Variants in GPR143 observed in about 807,000 individuals in gnomAD.
GPR143 encodes the protein G protein-coupled receptor 143, also known as G-protein coupled receptor 143.
A neutral mutation model predicts 27.6 loss-of-function variants in GPR143; 8 were observed. The observed-to-expected ratio is 0.29, with a 90% CI of 0.17 to 0.52. GPR143 has a LOEUF of 0.52. Ranked by LOEUF, GPR143 falls within the 20% of genes least tolerant of loss-of-function variation. The probability of loss-of-function intolerance (pLI) is 0.96; values close to 1 mark genes in which losing one functional copy is unlikely to be tolerated. For synonymous variants in GPR143, 156 were observed against 153.2 expected, an observed-to-expected ratio of 1.02 and a Z score of -0.13; for missense variants, 303 against 343.1, an observed-to-expected ratio of 0.88 and a Z score of 0.92.
intron 1 of GPR143, among the ~76,000 whole-genome samples, chrX:9,776,742 T>C (rs768610451): frequency 9.1e-6 from 1 of 110,006 alleles, no homozygotes; most frequent in Admixed American, 9.8e-5. Flanking sequence ...GGTCTCACTC[T>C]ATTACCCAGG....
rs1296083017 is a variant in GPR143, at chrX:9,739,485, C to G, written c.1120G>C (p.Gly374Arg). Residue 374 changes from glycine to arginine, a missense_variant and splice_region_variant, in exon 8 of 9, where the codon GGT (glycine) becomes CGT (arginine). Physicochemically the swap from Gly to Arg is moderately radical, Grantham distance 125 (BLOSUM62 -2). Transcript: ENST00000467482. ...CCTGCTGTGGCAGACAGGGCATTAC[C>G]TTCAGACAGCATGCTCAGGGCTTCG... ...SDEALSMLSEGSDASTIEIHT... is the reference protein window; with the variant it reads ...SDEALSMLSERSDASTIEIHT... 1 of 1,186,304 alleles carries G rather than the reference C, an allele frequency of 8.4e-7. No homozygotes were observed. Among genetic ancestry groups the G allele is most frequent in the Non-Finnish European group, 1.1e-6 (1 of 873,224 alleles).
At chrX:9,731,258 C>G (rs1432833443) in intron 8 of GPR143, among the ~76,000 whole-genome samples, 3 of 110,933 alleles carry the variant, frequency 2.7e-5, no homozygotes, top group Non-Finnish European at 5.7e-5. Context: ...GTAGCTGGAA[C>G]TTAGGGAGCC....
chrX:9,770,484 G>A (rs2083551151), upstream of GPR143, among the ~76,000 whole-genome samples: 1 of 110,737 alleles, frequency 9.0e-6, no homozygotes, highest in Non-Finnish European at 1.9e-5. Flanking sequence ...GGCTTATCTA[G>A]CAGCTGCTTG....
chrX:9,746,124 G>C lies in GPR143; in HGVS notation c.578C>G (p.Pro193Arg). Residue 193 changes from proline to arginine, a missense_variant, in exon 5 of 9, where the codon CCC becomes CGC. By Grantham distance (103) the Pro-to-Arg change is moderately radical (BLOSUM62 -2). Transcript: ENST00000467482. ...GGGCAGGTACATGGTGACATAGTGG[G>C]GGATGGCGTGGTCCAGGCCCCGCTC... ...RCERGLDHAI[P>R]HYVTMYLPLL... The C allele has an allele frequency of 8.4e-7, 1 of 1,194,940 alleles. No individual in the cohort carries two copies. Among genetic ancestry groups the C allele is most frequent in the Non-Finnish European group, 1.1e-6 (1 of 880,142 alleles).
Position 9,765,835 on chromosome X carries a change from G to C in GPR143, c.-18C>G. 9.3e-7 allele frequency: 1 copy of C among 1,070,720 alleles called. No individual in the cohort carries two copies. Among genetic ancestry groups the C allele is most frequent in the Non-Finnish European group, 1.2e-6 (1 of 827,800 alleles). The allele number at this position is 1,070,720 out of a possible 1,213,427, so 88.2% of individuals were successfully genotyped here. A position where few individuals can be genotyped will look rare whatever the true frequency, so the allele number is the denominator to read the frequency against. On this transcript the variant is annotated 5_prime_UTR_variant, in exon 1 of 9. Coordinates refer to ENST00000467482, the MANE Select transcript of GPR143 (RefSeq NM_000273.3). ...GAGGCCATGGGCTGTGTTCGCGGAC[G>C]CGGCTCGGGTGTGCCAGGACCCCGC...
chrX:9,757,122 C>T (rs1316347413), intron 3 of GPR143, among the ~76,000 whole-genome samples: 1 of 112,511 alleles, frequency 8.9e-6, no homozygotes, highest in Non-Finnish European at 1.9e-5. Flanking sequence ...ATATCACACA[C>T]TAGGTGGCTT....
chrX:9,747,516 G>A (rs918532497), intron 4 of GPR143, among the ~76,000 whole-genome samples: 4 of 111,343 alleles, frequency 3.6e-5, no homozygotes, highest in African/African-American at 1.3e-4. Flanking sequence ...TGCTGACAGT[G>A]CATCTGTCCT....
upstream of GPR143, chrX:9,765,897 C>A (rs1421479934): frequency 5.3e-6 from 5 of 945,191 alleles, 1 homozygote; most frequent in Non-Finnish European, 4.0e-6. Flanking sequence ...GGGCTGGGGG[C>A]GGCATCATGT....
At position 9,725,750 on chromosome X, in the gene GPR143, A is replaced by C; in HGVS notation, c.1211T>G (p.Leu404Arg). 1.7e-6 allele frequency: 2 copies of C among 1,190,204 alleles called. No individual in the cohort carries two copies. The highest frequency in any genetic ancestry group is 2.3e-6 in the Non-Finnish European group (2 of 876,253). ...TGGACCCCCAGCACATCCCCTTCAT[A>C]GGTCTCCATGGGTTGGGAGAGCAGG... ...GDPALPTHGDL is the reference protein window; with the variant it reads ...GDPALPTHGDR The change falls in exon 9 of 9, where the codon CTA becomes CGA. Residue 404 changes from leucine to arginine, a missense_variant. Transcript: ENST00000467482.
intron 3 of GPR143, among the ~76,000 whole-genome samples, chrX:9,751,224 C>T (rs1350017742): frequency 8.9e-6 from 1 of 112,543 alleles, no homozygotes; most frequent in Non-Finnish European, 1.9e-5. Context: ...CGCTGCCCTC[C>T]AGGGCAGGCT....
At chrX:9,760,673 A>G (rs1393619444) in intron 2 of GPR143, 44 bp downstream of exon 2, 1 of 691,742 alleles carries the variant, frequency 1.4e-6, no homozygotes, top group Non-Finnish European at 2.3e-6. Flanking sequence ...CGATTTGAGG[A>G]GCATAAGTAG....
intron 8 of GPR143, among the ~76,000 whole-genome samples, chrX:9,727,647 A>G (rs2083334057): frequency 8.9e-6 from 1 of 112,811 alleles, no homozygotes; most frequent in African/African-American, 3.2e-5. Flanking sequence ...TATTCTTCCA[A>G]TCCCCAAATA....
At chrX:9,770,322 AAAGAGAGAG>A (rs1253502155), upstream of GPR143, among the ~76,000 whole-genome samples, 8 of 82,860 alleles carry the variant, frequency 9.7e-5, no homozygotes, top group Non-Finnish European at 1.6e-4. Flanking sequence ...AAAGAAAGAA[AAAGAGAGAG>A]AGAGAGAGAG....
chrX:9,771,711 CTT>C (rs58257808), intron 1 of GPR143, among the ~76,000 whole-genome samples: 14 of 94,620 alleles, frequency 1.5e-4, no homozygotes, highest in African/African-American at 5.1e-4. Flanking sequence ...CATTCTCTCT[CTT>C]TTTTTTTTTT....
intron 3 of GPR143, 70 bp downstream of exon 3, chrX:9,759,262 G>A (rs1325798452): frequency 1.4e-5 from 9 of 665,200 alleles, no homozygotes; most frequent in East Asian, 3.5e-5. Context: ...ACTTTTAAAC[G>A]CTCAGTGCCA....
chrX:9,756,218 A>C (rs1445771569), intron 3 of GPR143, among the ~76,000 whole-genome samples: 1 of 112,241 alleles, frequency 8.9e-6, no homozygotes, highest in Non-Finnish European at 1.9e-5. Flanking sequence ...ATGCAAAATA[A>C]TGAAGATGGA....
upstream of GPR143, among the ~76,000 whole-genome samples, chrX:9,768,157 C>T (rs1262740450): frequency 2.7e-5 from 3 of 111,625 alleles, no homozygotes; most frequent in African/African-American, 9.8e-5. Context: ...AAAGATGAGC[C>T]TCAGAGTAAA....
intron 1 of GPR143, among the ~76,000 whole-genome samples, chrX:9,765,299 C>T (rs755032087): frequency 1.8e-5 from 2 of 111,952 alleles, no homozygotes; most frequent in East Asian, 5.7e-4. Context: ...CTCACGCCCT[C>T]ACCCCAGCAC....
chrX:9,776,194 G>A (rs1208205657), intron 1 of GPR143, among the ~76,000 whole-genome samples: 1 of 111,992 alleles, frequency 8.9e-6, no homozygotes, highest in Non-Finnish European at 1.9e-5. Context: ...ATGCTCACTA[G>A]AACGCACGTC....
Sources: allele counts gnomAD v4.1 joint callset (sites outside exome capture counted in the v4.1 genomes callset), GRCh38; gene constraint gnomAD v4.1.1; transcripts MANE v1.5; gene names NCBI Gene and HGNC (gene_info 2026-07-23, HGNC 2026-07-21).